The following CRYBG1 variants were observed in gnomAD, a reference collection of about 807,000 sequenced individuals.
CRYBG1 encodes crystallin beta-gamma domain containing 1.
In CRYBG1, 139 loss-of-function variants were observed where a neutral mutation model predicts 189.2. The observed-to-expected ratio is 0.73, with a 90% CI of 0.64 to 0.85. CRYBG1 has a LOEUF of 0.85. Among genes scored for constraint, CRYBG1 ranks in the 40% least tolerant of loss-of-function variants. The pLI, the probability that CRYBG1 is intolerant of heterozygous loss-of-function variation, is 0.00. For synonymous variants in CRYBG1, 1,023 were observed against 1,017.1 expected (o/e 1.01, Z -0.11); for missense variants, 2,611 against 2,675.8 (o/e 0.98, Z 0.53).
rs148697731 is a variant in CRYBG1 at position 106,475,879 on chromosome 6, T to A, written c.312+24047T>A. ...ATCTGACATTTTAAAGAGATACACGTTTCCTCTGTCACAGAACTTAAAACT... is the reference window on the plus strand; with the variant it reads ...ATCTGACATTTTAAAGAGATACACGATTCCTCTGTCACAGAACTTAAAACT... On this transcript the variant is annotated intron_variant, in intron 2 of 21. Coordinates refer to ENST00000633556, the MANE Select transcript of CRYBG1 (RefSeq NM_001371242.2). 3.2e-4 allele frequency among the ~76,000 whole-genome samples: 48 copies of A among 152,334 alleles called. No individual in the cohort carries two copies. In the East Asian group the frequency reaches 8.5e-3, roughly 27 times the overall value.
chr6:106,512,626 C>G lies in CRYBG1; in HGVS notation c.1509C>G (p.Ser503Arg), dbSNP rs1215320325. Residue 503 changes from serine (S) to arginine (R), a missense_variant, in exon 3 of 22, where the codon AGC (serine) becomes AGG (arginine). Around this residue, in one of 3 missense-constraint regions of CRYBG1, gnomAD observed 985 missense variants for 924.4 expected, o/e 1.07. Transcript: ENST00000633556. ...AGCTCCGAGGGGAGTCGGACCGGAG[C>G]AAACAGCCACCCCCGGCTTCGTCCC... Reference protein sequence around the residue: ...KGQLRGESDRSKQPPPASSPT... With the variant: ...KGQLRGESDRRKQPPPASSPT... 6.9e-6 allele frequency: 11 copies of G among 1,597,184 alleles called. No homozygotes were observed. The highest frequency in any genetic ancestry group is 9.4e-6 in the Non-Finnish European group (11 of 1,173,052).
In CRYBG1 at chr6:106,411,932, C is replaced by G. The variant is rs142964614; in HGVS notation, c.174-39762C>G. ...CAAGAGGTCCCAGCAAGCTGCTTCTCCCTCTTCTTTCACCTGCTTTGTTCT... is the reference window on the plus strand; with the variant it reads ...CAAGAGGTCCCAGCAAGCTGCTTCTGCCTCTTCTTTCACCTGCTTTGTTCT... On this transcript the variant is annotated intron_variant, in intron 1 of 21. Transcript: ENST00000633556. Among the ~76,000 whole-genome samples the G allele has an allele frequency of 3.3e-3, 510 of 152,336 alleles. 7 individuals carry two copies. The highest frequency in any genetic ancestry group is 0.016 in the South Asian group (79 of 4,828).
chr6:106,521,731 T>TTTTTTTTG (rs1773617062), intron 4 of CRYBG1, among the ~76,000 whole-genome samples: 3 of 141,952 alleles, frequency 2.1e-5, no homozygotes, highest in African/African-American at 5.3e-5. Flanking sequence ...TTTTTTTTTT[T>TTTTTTTTG]TTTTTGAGAC....
Position 106,404,643 on chromosome 6 carries a change from C to G in CRYBG1, c.173+43562C>G, listed in dbSNP as rs1250890014. Among the ~76,000 whole-genome samples the G allele has an allele frequency of 3.9e-5, 6 of 152,128 alleles. No individual in the cohort carries two copies. In the South Asian group the frequency reaches 8.3e-4, roughly 21 times the overall value. ...TCTGCAGCTCTCAGTGAGATCAACA[C>G]AGAAGGTGGGTGATTTCTGCATTTC... On this transcript the variant is annotated intron_variant, in intron 1 of 21. Coordinates refer to ENST00000633556, the MANE Select transcript of CRYBG1 (RefSeq NM_001371242.2).
At chr6:106,430,652 A>G (rs1771306259) in intron 1 of CRYBG1, among the ~76,000 whole-genome samples, 1 of 151,728 alleles carries the variant, frequency 6.6e-6, no homozygotes, top group Non-Finnish European at 1.5e-5. Context: ...GAGCCACTCC[A>G]CTGGGGTCAC....
At chr6:106,423,775 G>A (rs964030923) in intron 1 of CRYBG1, among the ~76,000 whole-genome samples, 35 of 131,426 alleles carry the variant, frequency 2.7e-4, no homozygotes, top group African/African-American at 9.3e-4. Flanking sequence ...GTGTGATCAC[G>A]GCTCACTGCA....
At chr6:106,429,047 G>A (rs1024136332) in intron 1 of CRYBG1, among the ~76,000 whole-genome samples, 3 of 152,192 alleles carry the variant, frequency 2.0e-5, no homozygotes, top group Admixed American at 6.5e-5. Context: ...TTTTTACAGT[G>A]TTTTAGACTC....
intron 1 of CRYBG1, among the ~76,000 whole-genome samples, chr6:106,403,182 A>G (rs1032049117): frequency 6.6e-6 from 1 of 152,130 alleles, no homozygotes; most frequent in Admixed American, 6.5e-5. Flanking sequence ...AAAACAAACA[A>G]ACAAACAAAC....
intron 2 of CRYBG1, among the ~76,000 whole-genome samples, chr6:106,492,875 C>A (rs1772756483): frequency 6.6e-6 from 1 of 152,104 alleles, no homozygotes; most frequent in Non-Finnish European, 1.5e-5. Flanking sequence ...AATACGGGAG[C>A]ACTCATGTAA....
intron 1 of CRYBG1, among the ~76,000 whole-genome samples, chr6:106,369,560 C>A (rs865812274): frequency 2.0e-5 from 3 of 152,140 alleles, no homozygotes; most frequent in Middle Eastern, 3.2e-3. Context: ...TAAGTAGTAG[C>A]ATAAGCTCAT....
rs758502784 is a variant in CRYBG1, at chr6:106,360,956, G to T, written c.48G>T (p.Pro16=). The change falls in exon 1 of 22, where the codon CCG becomes CCT. Residue 16 remains proline (P), a synonymous_variant. Transcript: ENST00000633556. ...PAQGDPGEPS[P]CRPPKKHTTF... ...AGGGCGACCCCGGGGAGCCCAGCCCGTGCAGGCCCCCTAAGAAGCACACCA... is the reference window on the plus strand; with the variant it reads ...AGGGCGACCCCGGGGAGCCCAGCCCTTGCAGGCCCCCTAAGAAGCACACCA... 3 of 1,535,148 alleles carry T rather than the reference G, an allele frequency of 2.0e-6. No individual in the cohort carries two copies. Among genetic ancestry groups the T allele is most frequent in the Non-Finnish European group, 1.7e-6 (2 of 1,146,536 alleles).
intron 1 of CRYBG1, among the ~76,000 whole-genome samples, chr6:106,409,046 T>G (rs535529474): frequency 2.0e-5 from 3 of 152,218 alleles, no homozygotes; most frequent in South Asian, 2.1e-4. Flanking sequence ...GAGAAAGAAA[T>G]AAAGTGTATT....
chr6:106,393,680 C>CT lies in CRYBG1; in HGVS notation c.173+32616dup, dbSNP rs3047147. Among the ~76,000 whole-genome samples the CT allele has an allele frequency of 2.0e-3, 285 of 142,170 alleles. 3 individuals carry two copies. The highest frequency in any genetic ancestry group is 7.3e-3 in the Middle Eastern group (2 of 274). The allele number at this position is 142,170 out of a possible 152,430, so 93.3% of individuals were successfully genotyped here. On this transcript the variant is annotated intron_variant, in intron 1 of 21. Coordinates refer to ENST00000633556, the MANE Select transcript of CRYBG1 (RefSeq NM_001371242.2). ...TACTCTGTTTCTTCGTTTCCTCTTCCTTTTTTTTTTTTTTTTTAGGAGTCT... is the reference window on the plus strand; with the variant it reads ...TACTCTGTTTCTTCGTTTCCTCTTCCTTTTTTTTTTTTTTTTTTAGGAGTCT...
At chr6:106,398,505 G>A (rs573211562) in intron 1 of CRYBG1, among the ~76,000 whole-genome samples, 5 of 152,186 alleles carry the variant, frequency 3.3e-5, no homozygotes, top group Admixed American at 2.0e-4. Context: ...CGGTGAACCA[G>A]AAGCCAATTC....
rs1177647646 is a variant in CRYBG1, at chr6:106,569,399, T to C, written c.*833T>C. On this transcript the variant is annotated 3_prime_UTR_variant, in exon 22 of 22. Transcript: ENST00000633556. ...CCAAGCCCAGCCAAATTTTGTTTTT[T>C]TTTTGTAGAGATGGGGTTTCATCAC... is the stretch of plus-strand genomic sequence containing the variant. The C allele has an allele frequency of 1.3e-5, 2 of 152,082 alleles. No individual in the cohort carries two copies. Among genetic ancestry groups the C allele is most frequent in the South Asian group, 2.1e-4 (1 of 4,822 alleles). The allele number at this position is 152,082 out of a possible 1,614,324, so 9.4% of individuals were successfully genotyped here. A position where few individuals can be genotyped will look rare whatever the true frequency, so the allele number is the denominator to read the frequency against.
At chr6:106,464,179 G>C (rs765868201) in intron 2 of CRYBG1, among the ~76,000 whole-genome samples, 2 of 152,110 alleles carry the variant, frequency 1.3e-5, no homozygotes, top group Non-Finnish European at 2.9e-5. Flanking sequence ...CGCTCTTCTT[G>C]ACTTCAAACA....
intron 2 of CRYBG1, among the ~76,000 whole-genome samples, chr6:106,500,536 T>C (rs1192031966): frequency 6.6e-6 from 1 of 152,202 alleles, no homozygotes; most frequent in Non-Finnish European, 1.5e-5. Flanking sequence ...TGTTGAGATG[T>C]CTGAATTCCT....
intron 1 of CRYBG1, among the ~76,000 whole-genome samples, chr6:106,427,550 C>T (rs559803786): frequency 7.4e-4 from 113 of 152,294 alleles, no homozygotes; most frequent in Admixed American, 1.4e-3. Flanking sequence ...CATCTTAGTC[C>T]ATTCTTCTGT....
rs190008246 is a variant in CRYBG1, at chr6:106,396,927, G to A, written c.173+35846G>A. Among the ~76,000 whole-genome samples the A allele has an allele frequency of 4.1e-4, 63 of 152,270 alleles. No homozygotes were observed. The East Asian group carries it at 7.1e-3, about 17-fold the overall frequency. On this transcript the variant is annotated intron_variant, in intron 1 of 21. Coordinates refer to ENST00000633556, the MANE Select transcript of CRYBG1 (RefSeq NM_001371242.2). Reference sequence around the variant, plus strand: ...GAACTCCTGACCTTGTGATCCACCCGCCTTGGCCTCCCAAATTGCTGGGAT... The same window carrying A: ...GAACTCCTGACCTTGTGATCCACCCACCTTGGCCTCCCAAATTGCTGGGAT...
Sources: allele counts gnomAD v4.1 joint callset (sites outside exome capture counted in the v4.1 genomes callset), GRCh38; gene constraint gnomAD v4.1.1; regional missense constraint gnomAD v4.1.1; transcripts MANE v1.5; gene names NCBI Gene and HGNC (gene_info 2026-07-23, HGNC 2026-07-21).